The following NIPBL variants were observed in gnomAD, a reference collection of about 807,000 sequenced individuals.
NIPBL encodes NIPBL cohesin loading factor, also known as nipped-B-like protein.
Under a neutral mutation model 321.8 loss-of-function variants are expected in NIPBL, and 19 were observed. The ratio of observed to expected loss-of-function variants is 0.06; its 90% CI spans 0.04 to 0.09. The LOEUF is 0.09. Among genes scored for constraint, NIPBL ranks in the 10% least tolerant of loss-of-function variants. NIPBL has a pLI of 1.00. For missense variants in NIPBL, 2,210 were observed against 3,327.0 expected (o/e 0.66, Z 8.26); for synonymous variants, 1,106 against 1,114.1 (o/e 0.99, Z 0.14).
chr5:37,038,779 C>G (rs377119427), intron 34 of NIPBL, 41 bp downstream of exon 34: 164 of 1,598,698 alleles, frequency 1.0e-4, no homozygotes, highest in Non-Finnish European at 1.2e-4. Context: ...TTACATAAAA[C>G]ATTAAGTGCT....
At chr5:37,038,954 C>G (rs1752024347) in intron 34 of NIPBL, among the ~76,000 whole-genome samples, 1 of 152,144 alleles carries the variant, frequency 6.6e-6, no homozygotes, top group African/African-American at 2.4e-5. Flanking sequence ...GCCAAACCCT[C>G]AGTAGATGCT....
At chr5:36,952,064 GCGCGCGC>G (rs1740419725) in intron 1 of NIPBL, among the ~76,000 whole-genome samples, 1 of 134,410 alleles carries the variant, frequency 7.4e-6, no homozygotes, top group Non-Finnish European at 1.7e-5. Context: ...GCGCGCGCGC[GCGCGCGC>G]GCATGTGTGT....
rs1181230854 is a variant in NIPBL at position 36,876,928 on chromosome 5, G to A, written c.-330G>A. The A allele has an allele frequency of 9.0e-6, 3 of 335,034 alleles. No homozygotes were observed. The highest frequency in any genetic ancestry group is 1.1e-5 in the Non-Finnish European group (2 of 185,586). 20.8% of individuals were successfully genotyped at this position (335,034 alleles called of 1,614,324 possible). ...GACAGGAGAATTGGTTCCCGGGCCC[G>A]CGGCGATGCCCCCCCGGTAGCTCGG... On this transcript the variant is annotated 5_prime_UTR_variant, in exon 1 of 47. Coordinates refer to ENST00000282516, the MANE Select transcript of NIPBL (RefSeq NM_133433.4).
Position 36,876,939 on chromosome 5 carries a change from C to G in NIPBL, c.-319C>G. On this transcript the variant is annotated 5_prime_UTR_variant, in exon 1 of 47. Transcript: ENST00000282516. ...TGGTTCCCGGGCCCGCGGCGATGCC[C>G]CCCCGGTAGCTCGGGCCCGTGGTCG... is the stretch of plus-strand genomic sequence containing the variant. 2.5e-6 allele frequency: 1 copy of G among 393,026 alleles called. No individual in the cohort carries two copies. Among genetic ancestry groups the G allele is most frequent in the Non-Finnish European group, 4.5e-6 (1 of 222,570 alleles). 24.3% of individuals were successfully genotyped at this position (393,026 alleles called of 1,614,324 possible).
At chr5:36,988,098 AAG>A (rs1745052589) in intron 10 of NIPBL, among the ~76,000 whole-genome samples, 1 of 152,172 alleles carries the variant, frequency 6.6e-6, no homozygotes, top group Non-Finnish European at 1.5e-5. Flanking sequence ...TGTTCTAACA[AAG>A]AGTCTTTTAA....
intron 1 of NIPBL, among the ~76,000 whole-genome samples, chr5:36,891,087 A>G (rs1476910842): frequency 6.6e-6 from 1 of 152,098 alleles, no homozygotes; most frequent in Non-Finnish European, 1.5e-5. Flanking sequence ...AACACAGTGA[A>G]ACCTCGTCTC....
In NIPBL at chr5:36,876,842, C is replaced by G. The variant is rs1202041310; in HGVS notation, c.-416C>G. On this transcript the variant is annotated 5_prime_UTR_variant, in exon 1 of 47. Transcript: ENST00000282516. The stretch of plus-strand genomic sequence containing the variant: ...GCTCCTTCCCCCCGCCCTCCCCCCC[C>G]TCCCTCCGTCGGTACCGACTCACCC... 5.2e-6 allele frequency: 2 copies of G among 388,236 alleles called. No individual in the cohort carries two copies. The highest frequency in any genetic ancestry group is 2.1e-5 in the African/African-American group (1 of 46,952). 24.0% of individuals were successfully genotyped at this position (388,236 alleles called of 1,614,324 possible).
chr5:37,060,797 G>A lies in NIPBL; in HGVS notation c.7686-47G>A, dbSNP rs374602595. 2,167 of 1,520,416 alleles carry A rather than the reference G, an allele frequency of 1.4e-3. 3 individuals are homozygous for A. The highest frequency in any genetic ancestry group is 1.8e-3 in the Non-Finnish European group (1,950 of 1,105,326). The allele number at this position is 1,520,416 out of a possible 1,614,324, so 94.2% of individuals were successfully genotyped here. On this transcript the variant is annotated intron_variant, in intron 44 of 46. Coordinates refer to ENST00000282516, the MANE Select transcript of NIPBL (RefSeq NM_133433.4). ...CCTATAATTGGATTTCTCCAAATAC[G>A]TTGTTTCCATAGTTTTAAAGTTTTT...
intron 1 of NIPBL, among the ~76,000 whole-genome samples, chr5:36,906,278 G>A (rs1466169448): frequency 1.3e-5 from 2 of 152,030 alleles, no homozygotes; most frequent in Non-Finnish European, 2.9e-5. Flanking sequence ...GATGTGTAAA[G>A]GAATTCTGCA....
chr5:36,946,626 A>G (rs1739714844), intron 1 of NIPBL, among the ~76,000 whole-genome samples: 1 of 151,762 alleles, frequency 6.6e-6, no homozygotes. Context: ...ACTTAGTTTT[A>G]AGCCTTTCCC....
rs779883508 is a variant in NIPBL at position 37,064,669 on chromosome 5, C to G, written c.8192C>G (p.Thr2731Ser). ...CAAATTGCAAGAGTAGTGCAGAAAACCAGCAGTGGCTTCAGTGTTCAGTGG... is the reference window on the plus strand; with the variant it reads ...CAAATTGCAAGAGTAGTGCAGAAAAGCAGCAGTGGCTTCAGTGTTCAGTGG... ...RPQIARVVQKTSSGFSVQWMA... is the reference protein window; with the variant it reads ...RPQIARVVQKSSSGFSVQWMA... Residue 2731 changes from threonine (T) to serine (S), a missense_variant, in exon 47 of 47, where the codon ACC (threonine) becomes AGC (serine). Physicochemically the swap from Thr to Ser is moderately conservative, Grantham distance 58. This residue lies in a region of NIPBL where 159 missense variants were observed against 319.2 expected (regional missense o/e 0.50). Transcript: ENST00000282516. 2 of 1,614,116 alleles carry G rather than the reference C, an allele frequency of 1.2e-6. No homozygotes were observed. The highest frequency in any genetic ancestry group is 8.5e-7 in the Non-Finnish European group (1 of 1,180,020).
chr5:36,987,743 A>G (rs981785755), intron 10 of NIPBL, among the ~76,000 whole-genome samples: 1 of 152,210 alleles, frequency 6.6e-6, no homozygotes, highest in African/African-American at 2.4e-5. Flanking sequence ...ATTTTAAATT[A>G]TGGCAATTAG....
chr5:37,016,735 TACTC>T (rs1749042752), intron 23 of NIPBL, among the ~76,000 whole-genome samples: 1 of 152,246 alleles, frequency 6.6e-6, no homozygotes, highest in South Asian at 2.1e-4. Flanking sequence ...AAGAAATTCT[TACTC>T]AGTAATACCA....
chr5:36,955,389 C>G (rs531605738), intron 2 of NIPBL, 83 bp from the exon 3 acceptor site: 1 of 1,179,884 alleles, frequency 8.5e-7, no homozygotes, highest in East Asian at 2.3e-5. Context: ...TTATAACTTA[C>G]TTTTAATCCC....
intron 34 of NIPBL, among the ~76,000 whole-genome samples, chr5:37,044,044 T>C (rs1167033371): frequency 6.6e-6 from 1 of 152,214 alleles, no homozygotes; most frequent in Non-Finnish European, 1.5e-5. Context: ...AGTCTTTGTA[T>C]AATGCTGTCA....
intron 32 of NIPBL, among the ~76,000 whole-genome samples, chr5:37,032,336 G>A (rs1344905824): frequency 6.6e-6 from 1 of 151,432 alleles, no homozygotes; most frequent in Non-Finnish European, 1.5e-5. Flanking sequence ...GAAATGCATT[G>A]AAAGTAAAAT....
At chr5:37,052,317 T>G in intron 41 of NIPBL, 49 bp from the exon 42 acceptor site, 1 of 1,440,896 alleles carries the variant, frequency 6.9e-7, no homozygotes, top group Non-Finnish European at 9.8e-7. Context: ...TATTTTTAAT[T>G]TGTGTCTTTT....
rs1199741390 is a variant in NIPBL at position 37,052,339 on chromosome 5, C to T, written c.7063-27C>T. 2.5e-6 allele frequency: 4 copies of T among 1,589,580 alleles called. No homozygotes were observed. In the South Asian group the frequency reaches 4.4e-5, roughly 18 times the overall value. ...AATTTGTGTCTTTTAATTTCCCTGA[C>T]AAAAATGAGACTTTTATTGATTTCA... On this transcript the variant is annotated intron_variant, in intron 41 of 46. Transcript: ENST00000282516.
intron 29 of NIPBL, among the ~76,000 whole-genome samples, chr5:37,023,750 C>CTTTT (rs779595045): frequency 1.4e-4 from 11 of 75,864 alleles, no homozygotes; most frequent in East Asian, 8.1e-4. Flanking sequence ...TTTTCTTATT[C>CTTTT]TTTTTTTTTT....
Sources: allele counts gnomAD v4.1 joint callset (sites outside exome capture counted in the v4.1 genomes callset), GRCh38; gene constraint gnomAD v4.1.1; regional missense constraint gnomAD v4.1.1; transcripts MANE v1.5; gene names NCBI Gene and HGNC (gene_info 2026-07-23, HGNC 2026-07-21).